RCSD1: variants seen among roughly 807,000 people sequenced by gnomAD.
The protein encoded by RCSD1 is capZ-interacting protein.
A neutral mutation model predicts 42.5 loss-of-function variants in RCSD1; 26 were observed. The observed-to-expected ratio is 0.61, with a 90% confidence interval of 0.45 to 0.85. RCSD1 has a LOEUF of 0.85. Among genes scored for constraint, RCSD1 ranks in the 40% least tolerant of loss-of-function variants. RCSD1 has a pLI of 0.00. For missense variants in RCSD1, 571 were observed against 528.3 expected, an observed-to-expected ratio of 1.08 and a Z score of -0.79; for synonymous variants, 220 against 212.2, an observed-to-expected ratio of 1.04 and a Z score of -0.32.
At chr1:167,693,287 C>T (rs1039229750) in intron 4 of RCSD1, among the ~76,000 whole-genome samples, 5 of 152,306 alleles carry the variant, frequency 3.3e-5, no homozygotes, top group African/African-American at 9.6e-5. Flanking sequence ...TAAAGAGGAT[C>T]GGACTCTCAC....
At chr1:167,704,540 A>G in intron 6 of RCSD1, 124 bp from the exon 7 acceptor site, 1 of 813,240 alleles carries the variant, frequency 1.2e-6, no homozygotes, top group Non-Finnish European at 2.1e-6. Context: ...TCTTATGACT[A>G]TCATTCTTAC....
intron 1 of RCSD1, among the ~76,000 whole-genome samples, chr1:167,667,313 A>G (rs952701578): frequency 3.3e-5 from 5 of 152,222 alleles, no homozygotes; most frequent in Non-Finnish European, 5.9e-5. Context: ...CTGAAGGCAG[A>G]TACTGAGACC....
intron 1 of RCSD1, among the ~76,000 whole-genome samples, chr1:167,634,164 G>T (rs776398935): frequency 1.3e-5 from 2 of 152,128 alleles, no homozygotes; most frequent in South Asian, 2.1e-4. Flanking sequence ...CCTCTGGAAG[G>T]CTTCTGTGAA....
chr1:167,666,345 T>G (rs890526748), intron 1 of RCSD1, among the ~76,000 whole-genome samples: 3 of 152,194 alleles, frequency 2.0e-5, no homozygotes, highest in African/African-American at 7.2e-5. Flanking sequence ...GTCATGGGGA[T>G]TCAATGAGAT....
chr1:167,659,164 G>A (rs1043633893), intron 1 of RCSD1, among the ~76,000 whole-genome samples: 2 of 152,056 alleles, frequency 1.3e-5, no homozygotes, highest in East Asian at 1.9e-4. Context: ...AAGTACTATC[G>A]TAAGTTTGAG....
intron 1 of RCSD1, among the ~76,000 whole-genome samples, chr1:167,648,378 G>A (rs1658217290): frequency 6.6e-6 from 1 of 152,200 alleles, no homozygotes; most frequent in South Asian, 2.1e-4. Context: ...AGTGTCTCTT[G>A]ACAAGCATTG....
chr1:167,688,735 T>G (rs1033576539), intron 3 of RCSD1, among the ~76,000 whole-genome samples: 5 of 152,182 alleles, frequency 3.3e-5, no homozygotes, highest in African/African-American at 1.2e-4. Flanking sequence ...TCTCACATTA[T>G]AAATATCTCA....
rs1659446771 is a variant in RCSD1, at chr1:167,694,293, T to C, written c.465T>C (p.Cys155=). Reference sequence around the variant, plus strand: ...CCCCTGAAGGCAGTCATCTGCCCTGTTACAACAAGGTAAATTCTAGCTCCA... The same window carrying C: ...CCCCTGAAGGCAGTCATCTGCCCTGCTACAACAAGGTAAATTCTAGCTCCA... The part of the protein sequence containing the change: ...DQPPEGSHLP[C]YNKVRTRGSI... The change falls in exon 5 of 7, where the codon TGT becomes TGC. Residue 155 remains cysteine (C), a synonymous_variant. Coordinates refer to ENST00000367854, the MANE Select transcript of RCSD1 (RefSeq NM_052862.4). 1.2e-6 allele frequency: 2 copies of C among 1,613,980 alleles called. No individual in the cohort carries two copies. Among genetic ancestry groups the C allele is most frequent in the Non-Finnish European group, 1.7e-6 (2 of 1,179,938 alleles).
intron 6 of RCSD1, among the ~76,000 whole-genome samples, chr1:167,701,268 C>G (rs1173295987): frequency 3.0e-5 from 4 of 133,160 alleles, no homozygotes; most frequent in Non-Finnish European, 4.7e-5. Context: ...TTCTTTCTTT[C>G]TTTCTTTCTT....
intron 1 of RCSD1, among the ~76,000 whole-genome samples, chr1:167,667,987 G>T (rs564731393): frequency 6.6e-6 from 1 of 152,234 alleles, no homozygotes; most frequent in East Asian, 1.9e-4. Flanking sequence ...CATGAAAAAT[G>T]TGGGTATTTT....
chr1:167,690,217 T>A, intron 4 of RCSD1, 97 bp downstream of exon 4: 12 of 1,065,514 alleles, frequency 1.1e-5, no homozygotes, highest in East Asian at 2.5e-5. Context: ...GTAGCCTATG[T>A]GTCACCTGCA....
At chr1:167,644,708 C>T (rs920782167) in intron 1 of RCSD1, among the ~76,000 whole-genome samples, 5 of 152,142 alleles carry the variant, frequency 3.3e-5, no homozygotes, top group African/African-American at 1.2e-4. Flanking sequence ...CTGACAATTC[C>T]TTACCTTTCA....
At chr1:167,694,751 G>C (rs897866489) in intron 5 of RCSD1, among the ~76,000 whole-genome samples, 3 of 152,192 alleles carry the variant, frequency 2.0e-5, no homozygotes, top group Non-Finnish European at 4.4e-5. Flanking sequence ...AAGTGTCCCA[G>C]TGTGGACTCA....
intron 4 of RCSD1, among the ~76,000 whole-genome samples, chr1:167,693,814 A>G (rs193249131): frequency 1.3e-4 from 20 of 152,250 alleles, no homozygotes; most frequent in Admixed American, 1.2e-3. Flanking sequence ...CACTTTGTTG[A>G]TAAGTTGAGC....
At chr1:167,662,691 A>G (rs1658566355) in intron 1 of RCSD1, among the ~76,000 whole-genome samples, 1 of 152,232 alleles carries the variant, frequency 6.6e-6, no homozygotes, top group Non-Finnish European at 1.5e-5. Context: ...TGATTTAAGA[A>G]AGGCAGGGAG....
rs561922007 is a variant in RCSD1 at position 167,675,023 on chromosome 1, A to G, written c.7-8877A>G. ...AGATCAAGACCATCCTGGCTAACACAGTGAAACCCCATCTCTACTAAAAAT... is the reference window on the plus strand; with the variant it reads ...AGATCAAGACCATCCTGGCTAACACGGTGAAACCCCATCTCTACTAAAAAT... On this transcript the variant is annotated intron_variant, in intron 1 of 6. Coordinates refer to ENST00000367854, the MANE Select transcript of RCSD1 (RefSeq NM_052862.4). Among the ~76,000 whole-genome samples, 9 of 152,082 alleles carry G rather than the reference A, an allele frequency of 5.9e-5. No individual in the cohort carries two copies. The South Asian group carries it at 1.5e-3, about 25-fold the overall frequency.
At chr1:167,701,272 CT>C in intron 6 of RCSD1, among the ~76,000 whole-genome samples, 1 of 138,134 alleles carries the variant, frequency 7.2e-6, no homozygotes, top group Non-Finnish European at 1.5e-5. Flanking sequence ...TTCTTTCTTT[CT>C]TTCTTTCTTT....
chr1:167,674,604 T>C (rs1362441449), intron 1 of RCSD1, among the ~76,000 whole-genome samples: 4 of 152,244 alleles, frequency 2.6e-5, no homozygotes, highest in Admixed American at 2.6e-4. Context: ...GAAGAAAGCC[T>C]GTAGGCTTTA....
At chr1:167,642,309 A>G (rs1369851503) in intron 1 of RCSD1, among the ~76,000 whole-genome samples, 1 of 133,598 alleles carries the variant, frequency 7.5e-6, no homozygotes, top group Non-Finnish European at 1.6e-5. Context: ...AAGAGGGGGA[A>G]AGCCGAGGGA....
Sources: gnomAD v4.1 joint callset for allele counts (sites outside exome capture counted in the v4.1 genomes callset) on GRCh38, gnomAD v4.1.1 for gene constraint, MANE v1.5 for transcripts, NCBI Gene and HGNC (gene_info 2026-07-23, HGNC 2026-07-21) for gene names.